UBR2: variants seen among roughly 807,000 people sequenced by gnomAD.
UBR2 encodes the protein E3 ubiquitin-protein ligase UBR2.
Under a neutral mutation model 247.9 loss-of-function variants are expected in UBR2, and 92 were observed. That is an observed-to-expected ratio of 0.37 (90% CI 0.31 to 0.44). UBR2 has a LOEUF of 0.44. Among genes scored for constraint, UBR2 ranks in the 20% least tolerant of loss-of-function variants. The probability of loss-of-function intolerance (pLI) is 1.00; values close to 1 mark genes in which losing one functional copy is unlikely to be tolerated. For synonymous variants in UBR2, 672 were observed against 693.5 expected (o/e 0.97, Z 0.49); for missense variants, 1,613 against 2,112.6 (o/e 0.76, Z 4.64).
At chr6:42,592,011 G>T in intron 2 of UBR2, 140 bp from the exon 3 acceptor site, 1 of 747,356 alleles carries the variant, frequency 1.3e-6, no homozygotes, top group Non-Finnish European at 2.1e-6. Context: ...ACAGATCTTT[G>T]GGAATGATAC....
chr6:42,588,278 G>T (rs973093303), intron 2 of UBR2, among the ~76,000 whole-genome samples: 6 of 152,232 alleles, frequency 3.9e-5, no homozygotes, highest in Non-Finnish European at 7.3e-5. Context: ...GGGAGAAAGG[G>T]TGAGGAGCTT....
chr6:42,622,071 A>G (rs1350594414), intron 11 of UBR2, among the ~76,000 whole-genome samples: 1 of 152,048 alleles, frequency 6.6e-6, no homozygotes, highest in African/African-American at 2.4e-5. Context: ...GCTAGAGCAC[A>G]GTGGCACAAT....
At chr6:42,628,286 C>A (rs532367566) in intron 11 of UBR2, among the ~76,000 whole-genome samples, 2,172 of 151,468 alleles carry the variant, frequency 0.014, 14 homozygotes, top group Non-Finnish European at 0.021. Flanking sequence ...AAAAAAAAAA[C>A]AAAACTCTGT....
At chr6:42,607,343 T>C (rs1793768229) in intron 7 of UBR2, among the ~76,000 whole-genome samples, 2 of 151,830 alleles carry the variant, frequency 1.3e-5, no homozygotes, top group Non-Finnish European at 2.9e-5. Context: ...AATTTTTGTA[T>C]TTCTAGTAGA....
chr6:42,672,992 A>T (rs116398794), intron 36 of UBR2, among the ~76,000 whole-genome samples: 1 of 152,360 alleles, frequency 6.6e-6, no homozygotes, highest in Non-Finnish European at 1.5e-5. Context: ...AACTTATCAC[A>T]TACCCATCTT....
chr6:42,635,447 A>G lies in UBR2; in HGVS notation c.1575A>G (p.Gly525=), dbSNP rs768381990. 2.5e-6 allele frequency: 4 copies of G among 1,613,938 alleles called. No homozygotes were observed. The South Asian group carries it at 4.4e-5, about 18-fold the overall frequency. The change falls in exon 14 of 47, where the codon GGA becomes GGG. Residue 525 remains glycine (G), a synonymous_variant. Transcript: ENST00000372901. ...QGMDPITRQV[G]QHIEMEPEWE... Reference sequence around the variant, plus strand: ...TGGATCCAATTACACGTCAAGTAGGACAACATATTGAAATGGAACCAGAGT... The same window carrying G: ...TGGATCCAATTACACGTCAAGTAGGGCAACATATTGAAATGGAACCAGAGT...
At chr6:42,569,078 A>G (rs1394516535) in intron 1 of UBR2, among the ~76,000 whole-genome samples, 1 of 152,162 alleles carries the variant, frequency 6.6e-6, no homozygotes, top group African/African-American at 2.4e-5. Context: ...CAGTTGGTGA[A>G]TATTTGGGTT....
At chr6:42,650,589 A>G (rs536721254) in intron 23 of UBR2, among the ~76,000 whole-genome samples, 1 of 152,312 alleles carries the variant, frequency 6.6e-6, no homozygotes, top group South Asian at 2.1e-4. Context: ...GCACCACTGT[A>G]TCTGGCTTGA....
chr6:42,579,098 T>TA (rs1218677562), intron 2 of UBR2, among the ~76,000 whole-genome samples: 21 of 151,968 alleles, frequency 1.4e-4, no homozygotes, highest in African/African-American at 4.4e-4. Context: ...GGATAATTTA[T>TA]AAAGAAAAGA....
intron 8 of UBR2, among the ~76,000 whole-genome samples, chr6:42,614,375 T>TATATACGTATGTACGTACATACATAC (rs70990112): frequency 1.4e-5 from 1 of 69,752 alleles, no homozygotes; most frequent in Non-Finnish European, 3.0e-5. Context: ...TGTGTATGTG[T>TATATACGTATGTACGTACATACATAC]GTATATATGT....
intron 8 of UBR2, among the ~76,000 whole-genome samples, chr6:42,613,985 G>A (rs1241558193): frequency 6.6e-6 from 1 of 151,004 alleles, no homozygotes; most frequent in Non-Finnish European, 1.5e-5. Context: ...GACCAGCCTG[G>A]CCAACATGGT....
intron 21 of UBR2, among the ~76,000 whole-genome samples, chr6:42,647,687 G>A (rs1796858804): frequency 6.6e-6 from 1 of 152,122 alleles, no homozygotes; most frequent in African/African-American, 2.4e-5. Flanking sequence ...ATCTTATCGT[G>A]AATGAGATAT....
In UBR2 at chr6:42,678,533, T is replaced by C; in HGVS notation, c.4479-6T>C. 1 of 1,601,114 alleles carries C rather than the reference T, an allele frequency of 6.2e-7. No individual in the cohort carries two copies. The highest frequency in any genetic ancestry group is 8.5e-7 in the Non-Finnish European group (1 of 1,176,938). ...ATTTCCCAATAATCTTTTTTTTCTT[T>C]TTTAGTGCCTTGAAAGAAATACCAT... On this transcript the variant is annotated splice_polypyrimidine_tract_variant and splice_region_variant and intron_variant, in intron 40 of 46. Coordinates refer to ENST00000372901, the MANE Select transcript of UBR2 (RefSeq NM_001363705.2).
At position 42,592,221 on chromosome 6, in the gene UBR2, C is replaced by T; in HGVS notation, c.409C>T (p.Arg137Ter). Residue 137 changes from arginine to a stop codon, truncating the protein, a stop_gained, in exon 3 of 47, where the codon CGA becomes TGA. Transcript: ENST00000372901. LOFTEE classifies it high-confidence loss of function. Reference sequence around the variant, plus strand: ...TTTGGGAAGTATTCACAGAGATCATCGATATAGGGTTAGTAATGTCCAAAT... The same window carrying T: ...TTTGGGAAGTATTCACAGAGATCATTGATATAGGGTTAGTAATGTCCAAAT... ...CFLGSIHRDH[R>*]YRMTTSGGGG... is the part of the protein sequence containing the mutation. 1 of 1,584,348 alleles carries T rather than the reference C, an allele frequency of 6.3e-7. No homozygotes were observed. Among genetic ancestry groups the T allele is most frequent in the Non-Finnish European group, 8.5e-7 (1 of 1,170,742 alleles).
intron 2 of UBR2, among the ~76,000 whole-genome samples, chr6:42,586,624 C>T (rs1354508916): frequency 8.3e-6 from 1 of 121,190 alleles, no homozygotes; most frequent in African/African-American, 3.2e-5. Flanking sequence ...TGTAGCATTT[C>T]GTTTTGATTA....
intron 42 of UBR2, among the ~76,000 whole-genome samples, chr6:42,681,785 C>CCT (rs1344303212): frequency 6.6e-6 from 1 of 152,154 alleles, no homozygotes; most frequent in East Asian, 1.9e-4. Context: ...GAACTCAGAT[C>CCT]AATATTATAC....
chr6:42,590,232 G>A (rs1016098652), intron 2 of UBR2, among the ~76,000 whole-genome samples: 1 of 152,130 alleles, frequency 6.6e-6, no homozygotes, highest in Non-Finnish European at 1.5e-5. Flanking sequence ...GGAGATGATG[G>A]CTTTAGACAA....
chr6:42,646,354 A>G (rs963907717), intron 21 of UBR2, among the ~76,000 whole-genome samples: 2 of 152,198 alleles, frequency 1.3e-5, no homozygotes, highest in African/African-American at 4.8e-5. Flanking sequence ...TATTATAAAT[A>G]TTTCAAACAT....
rs1427658574 is a variant in UBR2, at chr6:42,673,847, A to G, written c.4143A>G (p.Ser1381=). 8 of 1,614,026 alleles carry G rather than the reference A, an allele frequency of 5.0e-6. No individual in the cohort carries two copies. The Admixed American group carries it at 1.3e-4, about 27-fold the overall frequency. ...RFAAAHWTVA[S]VSVVQGHFCK... ...CCGCAGCACACTGGACAGTGGCATC[A>G]GTTTCAGTGGTGCAAGGACATTTTT... The change falls in exon 37 of 47, where the codon TCA becomes TCG. Residue 1381 remains serine, a synonymous_variant. Transcript: ENST00000372901.
Sources: allele counts gnomAD v4.1 joint callset (sites outside exome capture counted in the v4.1 genomes callset), GRCh38; gene constraint gnomAD v4.1.1; transcripts MANE v1.5; gene names NCBI Gene and HGNC (gene_info 2026-07-23, HGNC 2026-07-21).